Variants in ADAMTSL1 observed in about 807,000 individuals in gnomAD.
The protein encoded by ADAMTSL1 is ADAMTS-like protein 1.
ADAMTSL1 carries 126 observed loss-of-function variants against 201.8 expected under a neutral mutation model. The ratio of observed to expected loss-of-function variants is 0.62; its 90% CI spans 0.54 to 0.72. The LOEUF (loss-of-function observed/expected upper bound fraction) is 0.72, where lower values mean the gene tolerates loss of function less well. ADAMTSL1 is among the 30% of genes least tolerant of loss of function. The pLI is 0.00. For synonymous variants in ADAMTSL1, 1,121 were observed against 903.4 expected (o/e 1.24, Z -4.32); for missense variants, 2,679 against 2,277.8 (o/e 1.18, Z -3.59).
At position 18,908,746 on chromosome 9, in the gene ADAMTSL1, G is replaced by A. The variant is rs1830450231; in HGVS notation, c.*198G>A. The A allele has an allele frequency of 3.7e-6, 2 of 534,850 alleles. No homozygotes were observed. Among genetic ancestry groups the A allele is most frequent in the Non-Finnish European group, 6.7e-6 (2 of 298,138 alleles). The allele number at this position is 534,850 out of a possible 1,614,324, so 33.1% of individuals were successfully genotyped here. On this transcript the variant is annotated 3_prime_UTR_variant, in exon 29 of 29. Coordinates refer to ENST00000380548, the MANE Select transcript of ADAMTSL1 (RefSeq NM_001040272.6). ...TTCTCTTTCAGTTAGCTGGAGGACA[G>A]GATGTTGGGAAAGGAAAGGACAGAT...
intron 2 of ADAMTSL1, among the ~76,000 whole-genome samples, chr9:18,298,190 A>G (rs2809852): frequency 0.94 from 142,514 of 152,214 alleles, 66,838 homozygotes; most frequent in East Asian, 1. Context: ...CTCCTGAGAG[A>G]CTCCAATTAA....
At chr9:18,281,087 G>A (rs1450040610) in intron 2 of ADAMTSL1, among the ~76,000 whole-genome samples, 3 of 151,992 alleles carry the variant, frequency 2.0e-5, no homozygotes, top group Non-Finnish European at 4.4e-5. Flanking sequence ...TGTGGGAGAC[G>A]CATGAAGGGA....
chr9:18,265,281 C>T (rs770270034), intron 2 of ADAMTSL1, among the ~76,000 whole-genome samples: 2 of 152,108 alleles, frequency 1.3e-5, no homozygotes, highest in Non-Finnish European at 2.9e-5. Flanking sequence ...CAGAGCTCTG[C>T]ATGTATTGCT....
intron 23 of ADAMTSL1, among the ~76,000 whole-genome samples, chr9:18,886,191 T>C (rs181046758): frequency 0.078 from 10,223 of 130,774 alleles, 771 homozygotes; most frequent in East Asian, 0.21. Context: ...TATATATATA[T>C]ATATATATAT....
chr9:18,754,935 A>C (rs1024295243), intron 16 of ADAMTSL1, among the ~76,000 whole-genome samples: 1 of 152,224 alleles, frequency 6.6e-6, no homozygotes, highest in African/African-American at 2.4e-5. Context: ...AAGCTGAAGT[A>C]AATCCTCACA....
intron 1 of ADAMTSL1, among the ~76,000 whole-genome samples, chr9:18,047,057 A>G (rs1821690390): frequency 1.3e-5 from 2 of 152,156 alleles, no homozygotes; most frequent in African/African-American, 4.8e-5. Context: ...ACATAGGATA[A>G]TGGGGCCTTA....
At chr9:18,810,632 G>T (rs1298314957) in intron 20 of ADAMTSL1, among the ~76,000 whole-genome samples, 1 of 152,174 alleles carries the variant, frequency 6.6e-6, no homozygotes, top group Non-Finnish European at 1.5e-5. Flanking sequence ...TGGGTTATAT[G>T]AATATGATCT....
chr9:18,151,750 C>T (rs966803171), intron 1 of ADAMTSL1, among the ~76,000 whole-genome samples: 1 of 151,844 alleles, frequency 6.6e-6, no homozygotes, highest in African/African-American at 2.4e-5. Flanking sequence ...ACACATGTGG[C>T]CCAAAACACA....
At chr9:18,743,734 A>G (rs1279466807) in intron 15 of ADAMTSL1, among the ~76,000 whole-genome samples, 1 of 152,144 alleles carries the variant, frequency 6.6e-6, no homozygotes, top group Non-Finnish European at 1.5e-5. Flanking sequence ...TTTATCATAC[A>G]TGTTTCTGGT....
At chr9:18,207,955 G>A (rs1045270707) in intron 2 of ADAMTSL1, among the ~76,000 whole-genome samples, 3 of 152,142 alleles carry the variant, frequency 2.0e-5, no homozygotes, top group Admixed American at 6.5e-5. Context: ...TGTCAGGAGC[G>A]TAGGTTTTGG....
At chr9:18,178,067 A>C (rs918736412) in intron 2 of ADAMTSL1, among the ~76,000 whole-genome samples, 3 of 152,214 alleles carry the variant, frequency 2.0e-5, no homozygotes, top group African/African-American at 4.8e-5. Flanking sequence ...AGCTCCCAGC[A>C]TGAGCGACGC....
At chr9:18,315,789 T>A (rs1026153678) in intron 2 of ADAMTSL1, among the ~76,000 whole-genome samples, 1 of 152,154 alleles carries the variant, frequency 6.6e-6, no homozygotes, top group South Asian at 2.1e-4. Flanking sequence ...AGTGCAGCAG[T>A]GGGCTGCAGT....
At chr9:18,140,803 C>T (rs1826366272) in intron 1 of ADAMTSL1, among the ~76,000 whole-genome samples, 1 of 152,126 alleles carries the variant, frequency 6.6e-6, no homozygotes. Flanking sequence ...CTGTTTTCTG[C>T]ACACCATCAA....
At chr9:18,802,756 T>G (rs183904910) in intron 20 of ADAMTSL1, among the ~76,000 whole-genome samples, 100 of 152,320 alleles carry the variant, frequency 6.6e-4, no homozygotes, top group Admixed American at 1.0e-3. Flanking sequence ...GTTTGGCGCA[T>G]TTATGTTTAC....
At chr9:18,865,147 G>A (rs978154270) in intron 23 of ADAMTSL1, among the ~76,000 whole-genome samples, 4 of 152,088 alleles carry the variant, frequency 2.6e-5, no homozygotes, top group Non-Finnish European at 5.9e-5. Context: ...CCATTAACTC[G>A]TCATTTAACA....
chr9:18,823,693 G>C (rs1335094465), intron 21 of ADAMTSL1, among the ~76,000 whole-genome samples: 2 of 152,098 alleles, frequency 1.3e-5, no homozygotes, highest in Admixed American at 6.5e-5. Flanking sequence ...AATAATGGTA[G>C]AAAATGGTTT....
chr9:18,667,122 C>T (rs958103360), intron 9 of ADAMTSL1, among the ~76,000 whole-genome samples: 1 of 151,842 alleles, frequency 6.6e-6, no homozygotes, highest in Non-Finnish European at 1.5e-5. Context: ...ATCCAGATTC[C>T]CCCTTCCCTC....
At chr9:18,171,180 A>G (rs1827872239) in intron 2 of ADAMTSL1, among the ~76,000 whole-genome samples, 1 of 152,110 alleles carries the variant, frequency 6.6e-6, no homozygotes, top group African/African-American at 2.4e-5. Context: ...ATAGAACAAC[A>G]TAGATAACTA....
chr9:18,131,079 C>T (rs888708818), intron 1 of ADAMTSL1, among the ~76,000 whole-genome samples: 2 of 152,140 alleles, frequency 1.3e-5, no homozygotes, highest in Admixed American at 6.6e-5. Context: ...ATGGCTCAAT[C>T]TCTGCCATCC....
Sources: allele counts gnomAD v4.1 joint callset (sites outside exome capture counted in the v4.1 genomes callset), GRCh38; gene constraint gnomAD v4.1.1; transcripts MANE v1.5; gene names NCBI Gene and HGNC (gene_info 2026-07-23, HGNC 2026-07-21).